Variants in TMEM132D observed in about 807,000 individuals in gnomAD.
TMEM132D encodes the protein transmembrane protein 132D.
A neutral mutation model predicts 62.3 loss-of-function variants in TMEM132D; 21 were observed. The observed-to-expected ratio is 0.34, with a 90% confidence interval of 0.24 to 0.49. TMEM132D has a LOEUF of 0.49. Ranked by LOEUF, TMEM132D falls within the 20% of genes least tolerant of loss-of-function variation. The probability of loss-of-function intolerance (pLI) is 0.99; values close to 1 mark genes in which losing one functional copy is unlikely to be tolerated. For missense variants in TMEM132D, 1,346 were observed against 1,402.8 expected (o/e 0.96, Z 0.65); for synonymous variants, 621 against 575.6 (o/e 1.08, Z -1.13).
chr12:129,662,149 T>G (rs1367996286), intron 2 of TMEM132D, among the ~76,000 whole-genome samples: 1 of 152,216 alleles, frequency 6.6e-6, no homozygotes, highest in East Asian at 1.9e-4. Flanking sequence ...AGCTTTCTTT[T>G]TTCTTTGCAG....
chr12:129,604,949 G>A (rs1878575620), intron 2 of TMEM132D, among the ~76,000 whole-genome samples: 1 of 152,100 alleles, frequency 6.6e-6, no homozygotes, highest in Non-Finnish European at 1.5e-5. Context: ...GTGAACAAGA[G>A]GAGATGCAAG....
chr12:129,868,096 C>T (rs1289788499), intron 1 of TMEM132D, among the ~76,000 whole-genome samples: 1 of 152,010 alleles, frequency 6.6e-6, no homozygotes, highest in Non-Finnish European at 1.5e-5. Context: ...TTCTATGGTA[C>T]ACTTGAGACA....
intron 3 of TMEM132D, among the ~76,000 whole-genome samples, chr12:129,473,115 G>C (rs938473692): frequency 2.0e-5 from 3 of 151,720 alleles, no homozygotes; most frequent in Non-Finnish European, 4.4e-5. Context: ...CACCTGCCTC[G>C]GCCTCCCAAG....
intron 5 of TMEM132D, among the ~76,000 whole-genome samples, chr12:129,109,351 T>C (rs996543305): frequency 6.6e-6 from 1 of 152,216 alleles, no homozygotes; most frequent in Non-Finnish European, 1.5e-5. Context: ...TTGTCTCCTC[T>C]GCAAAATGGG....
In TMEM132D at chr12:129,398,438, G is replaced by A. The variant is rs574195215; in HGVS notation, c.1116-60621C>T. Among the ~76,000 whole-genome samples, 5 of 152,264 alleles carry A rather than the reference G, an allele frequency of 3.3e-5. No individual in the cohort carries two copies. In the South Asian group the frequency reaches 8.3e-4, roughly 25 times the overall value. On this transcript the variant is annotated intron_variant, in intron 3 of 8. Coordinates refer to ENST00000422113, the MANE Select transcript of TMEM132D (RefSeq NM_133448.3). ...CCCTGGGGCTCACTTCTTGTATGTG[G>A]GAAGCACAATCTTTCCAAGAAGACA...
intron 1 of TMEM132D, among the ~76,000 whole-genome samples, chr12:129,725,921 T>C (rs1364609152): frequency 6.6e-6 from 1 of 152,176 alleles, no homozygotes; most frequent in Non-Finnish European, 1.5e-5. Context: ...TGCACAGGCT[T>C]TTTGCACAAT....
chr12:129,398,938 G>A (rs181075911), intron 3 of TMEM132D, among the ~76,000 whole-genome samples: 5 of 152,182 alleles, frequency 3.3e-5, no homozygotes, highest in Admixed American at 1.3e-4. Flanking sequence ...ATAGTAATTC[G>A]TAATAAATAG....
At chr12:129,610,562 G>T (rs148857317) in intron 2 of TMEM132D, among the ~76,000 whole-genome samples, 189 of 152,178 alleles carry the variant, frequency 1.2e-3, no homozygotes, top group African/African-American at 4.4e-3. Context: ...CATTCTCGTG[G>T]GGTTGGGTTT....
chr12:129,127,451 C>G (rs956911574), intron 5 of TMEM132D, among the ~76,000 whole-genome samples: 2 of 152,094 alleles, frequency 1.3e-5, no homozygotes, highest in African/African-American at 2.4e-5. Flanking sequence ...CCGGCAGGTC[C>G]AGAAGGTTTC....
chr12:129,780,263 G>A (rs762501838), intron 1 of TMEM132D, among the ~76,000 whole-genome samples: 32 of 146,024 alleles, frequency 2.2e-4, no homozygotes, highest in South Asian at 1.9e-3. Context: ...CTCCCCCTCC[G>A]AGCATGAACA....
chr12:129,410,473 C>T (rs531226323), intron 3 of TMEM132D, among the ~76,000 whole-genome samples: 71 of 152,270 alleles, frequency 4.7e-4, no homozygotes, highest in African/African-American at 1.5e-3. Flanking sequence ...GATTCTCCTG[C>T]CTCAGCCTCC....
At chr12:129,811,780 C>A (rs974947980) in intron 1 of TMEM132D, among the ~76,000 whole-genome samples, 2 of 151,550 alleles carry the variant, frequency 1.3e-5, no homozygotes, top group African/African-American at 4.9e-5. Context: ...TGGAGGGGAC[C>A]CCAGGAGAAG....
At chr12:129,267,822 G>A (rs140140205) in intron 4 of TMEM132D, among the ~76,000 whole-genome samples, 10,665 of 152,136 alleles carry the variant, frequency 0.07, 554 homozygotes, top group Admixed American at 0.17. Flanking sequence ...CATGGTACTG[G>A]TACCAAAACA....
intron 1 of TMEM132D, among the ~76,000 whole-genome samples, chr12:129,742,037 C>A (rs182519065): frequency 1.5e-4 from 23 of 152,234 alleles, no homozygotes; most frequent in African/African-American, 5.3e-4. Context: ...ATAATGGCCC[C>A]AAGTAAGAGA....
intron 1 of TMEM132D, among the ~76,000 whole-genome samples, chr12:129,745,033 C>T (rs1869731389): frequency 6.6e-6 from 1 of 152,104 alleles, no homozygotes; most frequent in African/African-American, 2.4e-5. Flanking sequence ...GACTGTTCCT[C>T]CTACACACAT....
rs1874050066 is a variant in TMEM132D, at chr12:129,866,118, A to G, written c.79+37143T>C. 2.6e-5 allele frequency among the ~76,000 whole-genome samples: 4 copies of G among 152,328 alleles called. No homozygotes were observed. The South Asian group carries it at 8.3e-4, about 32-fold the overall frequency. ...TGGCACACAAATGGCCAAGAAGTAT[A>G]TGAAAAAGGGTTCGACATGACTATT... On this transcript the variant is annotated intron_variant, in intron 1 of 8. Coordinates refer to ENST00000422113, the MANE Select transcript of TMEM132D (RefSeq NM_133448.3).
In TMEM132D at chr12:129,544,720, GA is replaced by G. The variant is rs888110734; in HGVS notation, c.969-13516del. Among the ~76,000 whole-genome samples, 37 of 151,376 alleles carry G rather than the reference GA, an allele frequency of 2.4e-4. No homozygotes were observed. In the East Asian group the frequency reaches 5.4e-3, roughly 22 times the overall value. On this transcript the variant is annotated intron_variant, in intron 2 of 8. Transcript: ENST00000422113. ...TTTGCAGAAAGAAAAGAAATGAAAA[GA>G]AAAAAAAGAGAAAGAAAAAATAAAA... is the stretch of plus-strand genomic sequence containing the variant.
At chr12:129,175,442 T>A (rs904459904) in intron 5 of TMEM132D, among the ~76,000 whole-genome samples, 9 of 152,196 alleles carry the variant, frequency 5.9e-5, no homozygotes, top group African/African-American at 2.2e-4. Flanking sequence ...CTTATTTGTA[T>A]TACAAATATT....
intron 3 of TMEM132D, among the ~76,000 whole-genome samples, chr12:129,460,163 G>A (rs906800082): frequency 4.6e-5 from 7 of 152,130 alleles, no homozygotes; most frequent in African/African-American, 1.7e-4. Context: ...CTACTTCTAC[G>A]TGCTCCTGTC....
Sources: gnomAD v4.1 joint callset for allele counts (sites outside exome capture counted in the v4.1 genomes callset) on GRCh38, gnomAD v4.1.1 for gene constraint, MANE v1.5 for transcripts, NCBI Gene and HGNC (gene_info 2026-07-23, HGNC 2026-07-21) for gene names.